MAPRE1: variants seen among roughly 807,000 people sequenced by gnomAD.
The protein encoded by MAPRE1 is microtubule associated protein RP/EB family member 1, also known as microtubule-associated protein RP/EB family member 1.
Under a neutral mutation model 32.1 loss-of-function variants are expected in MAPRE1, and 5 were observed. The ratio of observed to expected loss-of-function variants is 0.16; its 90% CI spans 0.08 to 0.33. The LOEUF is 0.33. MAPRE1 is among the 10% of genes least tolerant of loss of function. The pLI, the probability that MAPRE1 is intolerant of heterozygous loss-of-function variation, is 1.00. For missense variants in MAPRE1, 209 were observed against 327.2 expected, an observed-to-expected ratio of 0.64 and a Z score of 2.79; for synonymous variants, 122 against 118.9, an observed-to-expected ratio of 1.03 and a Z score of -0.17.
chr20:32,829,167 C>T (rs1274316514), intron 2 of MAPRE1, among the ~76,000 whole-genome samples: 1 of 152,134 alleles, frequency 6.6e-6, no homozygotes, highest in Non-Finnish European at 1.5e-5. Context: ...CCACCTCGGC[C>T]TCCCAAAGTG....
intron 5 of MAPRE1, among the ~76,000 whole-genome samples, chr20:32,841,398 G>T (rs1323630702): frequency 6.6e-6 from 1 of 151,660 alleles, no homozygotes; most frequent in Non-Finnish European, 1.5e-5. Context: ...GACTTGATCT[G>T]TGCTCTCCGA....
chr20:32,846,782 A>G lies in MAPRE1; in HGVS notation c.750+12A>G, dbSNP rs746012543. On this transcript the variant is annotated intron_variant, in intron 6 of 6. Coordinates refer to ENST00000375571, the MANE Select transcript of MAPRE1 (RefSeq NM_012325.3). Reference sequence around the variant, plus strand: ...TGTATGCCACAGATGTATGTGTTTGACATGAGGATATTTTCTTTCCATTTT... The same window carrying G: ...TGTATGCCACAGATGTATGTGTTTGGCATGAGGATATTTTCTTTCCATTTT... 6.2e-7 allele frequency: 1 copy of G among 1,613,548 alleles called. No homozygotes were observed. Among genetic ancestry groups the G allele is most frequent in the South Asian group, 1.1e-5 (1 of 91,070 alleles).
rs764416240 is a variant in MAPRE1, at chr20:32,831,408, C to CT, written c.122-2299dup. ...GGGAAATAAATAAGAATGTTTCTTTCTTTTTTTTTTATTCCTGTACAATTT... is the reference window on the plus strand; with the variant it reads ...GGGAAATAAATAAGAATGTTTCTTTCTTTTTTTTTTTATTCCTGTACAATTT... On this transcript the variant is annotated intron_variant, in intron 2 of 6. Transcript: ENST00000375571. Among the ~76,000 whole-genome samples the CT allele has an allele frequency of 3.4e-4, 48 of 141,870 alleles. No homozygotes were observed. The East Asian group carries it at 6.6e-3, about 20-fold the overall frequency. 93.1% of individuals were successfully genotyped at this position (141,870 alleles called of 152,430 possible).
chr20:32,845,505 C>G (rs1301624876), intron 5 of MAPRE1, among the ~76,000 whole-genome samples: 1 of 152,098 alleles, frequency 6.6e-6, no homozygotes, highest in African/African-American at 2.4e-5. Flanking sequence ...GTCACCTGAT[C>G]CTCATCTCTG....
intron 2 of MAPRE1, among the ~76,000 whole-genome samples, chr20:32,827,129 G>A (rs1259710960): frequency 1.3e-5 from 2 of 152,178 alleles, no homozygotes; most frequent in Non-Finnish European, 2.9e-5. Context: ...TTAAAGTCTC[G>A]GTGTGGTGGC....
intron 3 of MAPRE1, among the ~76,000 whole-genome samples, chr20:32,834,081 A>G (rs1050872146): frequency 1.1e-4 from 17 of 152,172 alleles, no homozygotes; most frequent in African/African-American, 4.1e-4. Flanking sequence ...GAAGTTAGTA[A>G]CTGTTTAGAG....
At chr20:32,819,809 G>A (rs984228921), upstream of MAPRE1, 1 of 152,180 alleles carries the variant, frequency 6.6e-6, no homozygotes, top group African/African-American at 2.4e-5. Context: ...CTCGGCTACC[G>A]TTCTGTGGAT....
At chr20:32,826,364 C>T (rs1242724892) in intron 2 of MAPRE1, among the ~76,000 whole-genome samples, 4 of 150,478 alleles carry the variant, frequency 2.7e-5, no homozygotes, top group African/African-American at 9.8e-5. Context: ...CTACAGGCGC[C>T]TGCCACCACG....
chr20:32,831,465 T>TG (rs1379739861), intron 2 of MAPRE1, among the ~76,000 whole-genome samples: 1 of 142,186 alleles, frequency 7.0e-6, no homozygotes, highest in Non-Finnish European at 1.6e-5. Flanking sequence ...AGTTGTTGAC[T>TG]TTTTTTTTTT....
intron 1 of MAPRE1, among the ~76,000 whole-genome samples, 188 bp downstream of exon 1, chr20:32,820,216 G>T (rs954064630): frequency 1.4e-5 from 2 of 145,102 alleles, no homozygotes; most frequent in Non-Finnish European, 3.0e-5. Context: ...GGCGCGCGCT[G>T]CGCTCTGCTC....
intron 2 of MAPRE1, 66 bp from the exon 3 acceptor site, chr20:32,833,651 G>A (rs1027807953): frequency 5.6e-5 from 81 of 1,450,518 alleles, no homozygotes; most frequent in Non-Finnish European, 7.2e-5. Flanking sequence ...TTTGGTTTAA[G>A]TGGGTCTGGG....
chr20:32,832,591 CTGAG>C (rs1983065968), intron 2 of MAPRE1, among the ~76,000 whole-genome samples: 1 of 151,358 alleles, frequency 6.6e-6, no homozygotes, highest in Non-Finnish European at 1.5e-5. Context: ...CTTCAGCCTC[CTGAG>C]TAACTGGAAC....
At chr20:32,848,608 G>GA (rs1222160664) in intron 6 of MAPRE1, 64 bp from the exon 7 acceptor site, 2 of 1,278,198 alleles carry the variant, frequency 1.6e-6, no homozygotes, top group Non-Finnish European at 2.3e-6. Context: ...TAAGTATGAG[G>GA]AAAGTGAACT....
rs960948587 is a variant in MAPRE1, at chr20:32,848,657, A to G, written c.751-15A>G. On this transcript the variant is annotated splice_polypyrimidine_tract_variant and intron_variant, in intron 6 of 6. Transcript: ENST00000375571. The stretch of plus-strand genomic sequence containing the variant: ...GATCTTTCAGTGGCTTTCCCCTCTC[A>G]TTTTCCTATTTCAGGAAGGCTTTGT... 6.8e-6 allele frequency: 11 copies of G among 1,609,210 alleles called. No individual in the cohort carries two copies. The African/African-American group carries it at 1.1e-4, about 16-fold the overall frequency.
chr20:32,836,585 C>CT, intron 3 of MAPRE1, 49 bp from the exon 4 acceptor site: 1 of 1,131,586 alleles, frequency 8.8e-7, no homozygotes, highest in Non-Finnish European at 1.3e-6. Context: ...TAGTTTGATG[C>CT]TTGCCAAAAG....
At chr20:32,834,048 T>G (rs916521603) in intron 3 of MAPRE1, among the ~76,000 whole-genome samples, 186 bp downstream of exon 3, 6 of 152,212 alleles carry the variant, frequency 3.9e-5, no homozygotes, top group Admixed American at 1.3e-4. Flanking sequence ...TTCCCCTTGC[T>G]TGTTTCTTTC....
Position 32,836,861 on chromosome 20 carries a change from A to G in MAPRE1, c.475+20A>G, listed in dbSNP as rs779965252. On this transcript the variant is annotated intron_variant, in intron 4 of 6. Transcript: ENST00000375571. ...GTGCAGGTAAAAAAACAACCCCAAAACGTTTCCAAAAAATAGCGTTCCAGA... is the reference window on the plus strand; with the variant it reads ...GTGCAGGTAAAAAAACAACCCCAAAGCGTTTCCAAAAAATAGCGTTCCAGA... The G allele has an allele frequency of 6.4e-7, 1 of 1,572,876 alleles. No individual in the cohort carries two copies. Among genetic ancestry groups the G allele is most frequent in the Non-Finnish European group, 8.6e-7 (1 of 1,165,542 alleles).
chr20:32,848,213 G>GTT (rs796134951), intron 6 of MAPRE1, among the ~76,000 whole-genome samples: 9 of 143,910 alleles, frequency 6.3e-5, no homozygotes, highest in Non-Finnish European at 7.7e-5. Flanking sequence ...GGCTTGGCTA[G>GTT]TTTTTTTTTT....
chr20:32,850,166 G>C lies in MAPRE1; in HGVS notation c.*1438G>C, dbSNP rs1319415483. 3 of 152,682 alleles carry C rather than the reference G, an allele frequency of 2.0e-5. No individual in the cohort carries two copies. The highest frequency in any genetic ancestry group is 7.2e-5 in the African/African-American group (3 of 41,532). 9.5% of individuals were successfully genotyped at this position (152,682 alleles called of 1,614,324 possible). On this transcript the variant is annotated 3_prime_UTR_variant, in exon 7 of 7. Coordinates refer to ENST00000375571, the MANE Select transcript of MAPRE1 (RefSeq NM_012325.3). ...TATTTTATGATAAAAATGTTGTGTA[G>C]TGCATGCTCTGTGTGGAATTCAGAG...
Sources: allele counts gnomAD v4.1 joint callset (sites outside exome capture counted in the v4.1 genomes callset), GRCh38; gene constraint gnomAD v4.1.1; transcripts MANE v1.5; gene names NCBI Gene and HGNC (gene_info 2026-07-23, HGNC 2026-07-21).